The following OLA1 variants were observed in gnomAD, a reference collection of about 807,000 sequenced individuals.
OLA1 encodes obg-like ATPase 1.
In OLA1, 14 loss-of-function variants were observed where a neutral mutation model predicts 48.4. The observed-to-expected ratio is 0.29, with a 90% confidence interval of 0.19 to 0.45. The LOEUF is 0.45. Among genes scored for constraint, OLA1 ranks in the 20% least tolerant of loss-of-function variants. The probability of loss-of-function intolerance (pLI) is 1.00; values close to 1 mark genes in which losing one functional copy is unlikely to be tolerated. For synonymous variants in OLA1, 127 were observed against 150.4 expected (o/e 0.84, Z 1.14); for missense variants, 325 against 467.1 (o/e 0.70, Z 2.80).
At chr2:174,131,925 T>C (rs1574498574) in intron 5 of OLA1, among the ~76,000 whole-genome samples, 1 of 152,246 alleles carries the variant, frequency 6.6e-6, no homozygotes, top group East Asian at 1.9e-4. Flanking sequence ...CACAAGTTTT[T>C]CCTCTTTTTC....
chr2:174,213,940 A>G (rs548332768), intron 4 of OLA1, among the ~76,000 whole-genome samples: 56 of 152,150 alleles, frequency 3.7e-4, no homozygotes, highest in African/African-American at 1.3e-3. Flanking sequence ...TGTTATGTAT[A>G]TATTACCATA....
chr2:174,186,748 T>C (rs1037008612), intron 4 of OLA1, among the ~76,000 whole-genome samples: 2 of 152,050 alleles, frequency 1.3e-5, no homozygotes, highest in African/African-American at 4.8e-5. Flanking sequence ...GATGCCCCTA[T>C]AGGTAACAGT....
At chr2:174,222,066 G>A (rs1384281107) in intron 4 of OLA1, among the ~76,000 whole-genome samples, 1 of 151,962 alleles carries the variant, frequency 6.6e-6, no homozygotes, top group Non-Finnish European at 1.5e-5. Flanking sequence ...TTATATGGTT[G>A]GTACAAAAGT....
At chr2:174,185,184 A>G (rs1687628399) in intron 4 of OLA1, among the ~76,000 whole-genome samples, 1 of 152,212 alleles carries the variant, frequency 6.6e-6, no homozygotes, top group Non-Finnish European at 1.5e-5. Context: ...TTAAAACAGC[A>G]TAAAAGGAAA....
At chr2:174,239,620 T>C (rs1228741290) in intron 2 of OLA1, among the ~76,000 whole-genome samples, 2 of 142,638 alleles carry the variant, frequency 1.4e-5, no homozygotes, top group Non-Finnish European at 3.0e-5. Flanking sequence ...GGCTCATGCA[T>C]ATAATCCCAG....
chr2:174,166,628 C>T (rs75428645), intron 4 of OLA1, among the ~76,000 whole-genome samples: 20,074 of 152,096 alleles, frequency 0.13, 1,774 homozygotes, highest in Non-Finnish European at 0.2. Flanking sequence ...TGCAATAGTG[C>T]TTTTTGTCAT....
At chr2:174,227,624 A>G (rs1482686094) in intron 3 of OLA1, among the ~76,000 whole-genome samples, 1 of 152,254 alleles carries the variant, frequency 6.6e-6, no homozygotes, top group Non-Finnish European at 1.5e-5. Flanking sequence ...TAGAAAGGAC[A>G]CTGAAGTCAG....
chr2:174,217,262 C>T (rs1688382680), intron 4 of OLA1, among the ~76,000 whole-genome samples: 1 of 151,932 alleles, frequency 6.6e-6, no homozygotes, highest in African/African-American at 2.4e-5. Flanking sequence ...TGAGATCTCA[C>T]TATGTTGCCC....
intron 7 of OLA1, among the ~76,000 whole-genome samples, chr2:174,101,693 G>C (rs964329098): frequency 3.3e-5 from 5 of 152,176 alleles, no homozygotes; most frequent in African/African-American, 1.2e-4. Context: ...AGAAGCAACA[G>C]AGTCAAGGAC....
At chr2:174,187,053 C>CA (rs1234110073) in intron 4 of OLA1, among the ~76,000 whole-genome samples, 2 of 151,958 alleles carry the variant, frequency 1.3e-5, no homozygotes, top group Non-Finnish European at 2.9e-5. Context: ...ATAATATGAT[C>CA]AAAAAACAAA....
At chr2:174,129,172 T>A (rs1241763675) in intron 5 of OLA1, among the ~76,000 whole-genome samples, 1 of 152,082 alleles carries the variant, frequency 6.6e-6, no homozygotes, top group Non-Finnish European at 1.5e-5. Context: ...TAATAATATT[T>A]ATGGAGCTGG....
intron 4 of OLA1, among the ~76,000 whole-genome samples, chr2:174,174,041 A>C (rs899801432): frequency 0.027 from 970 of 36,504 alleles, 12 homozygotes; most frequent in Middle Eastern, 0.22. Context: ...CACACAAAAA[A>C]AAAAAAAAAA....
chr2:174,246,491 C>T (rs1689130350), intron 2 of OLA1, among the ~76,000 whole-genome samples: 1 of 152,186 alleles, frequency 6.6e-6, no homozygotes, highest in Non-Finnish European at 1.5e-5. Flanking sequence ...TAGCCTACTG[C>T]ATGGCCTCTG....
intron 3 of OLA1, among the ~76,000 whole-genome samples, chr2:174,228,939 G>A (rs116790905): frequency 1.9e-3 from 294 of 152,212 alleles, no homozygotes; most frequent in African/African-American, 6.7e-3. Flanking sequence ...GTGCAGTGGC[G>A]TAACTTGGCT....
chr2:174,162,332 C>T (rs1018190299), intron 4 of OLA1, among the ~76,000 whole-genome samples: 1 of 152,122 alleles, frequency 6.6e-6, no homozygotes, highest in African/African-American at 2.4e-5. Flanking sequence ...TGCAATGACC[C>T]TCAAGCAATG....
chr2:174,128,333 T>G (rs1686092909), intron 5 of OLA1, among the ~76,000 whole-genome samples: 1 of 151,576 alleles, frequency 6.6e-6, no homozygotes, highest in Non-Finnish European at 1.5e-5. Context: ...GAGTCCAGTA[T>G]GAGGCTGCAG....
At chr2:174,112,587 A>T (rs1685678503) in intron 7 of OLA1, among the ~76,000 whole-genome samples, 1 of 152,198 alleles carries the variant, frequency 6.6e-6, no homozygotes, top group Non-Finnish European at 1.5e-5. Context: ...AGAGGTGGCT[A>T]GGTCATGAGG....
chr2:174,095,274 T>G (rs1685220633), intron 7 of OLA1, among the ~76,000 whole-genome samples: 1 of 151,388 alleles, frequency 6.6e-6, no homozygotes, highest in African/African-American at 2.4e-5. Context: ...CTACCAGTAC[T>G]GCACAAGGGT....
rs753226530 is a variant in OLA1, at chr2:174,081,206, T to C, written c.912A>G (p.Gln304=). ...GGCCTGCAGTGAAAAAGTATTCTAG[T>C]TGGAGTGCTGCAAACCCAGCCTTAA... ...KIIKAGFAAL[Q]LEYFFTAGPD... The change falls in exon 9 of 11, where the codon CAA becomes CAG. Residue 304 remains glutamine (Q), a synonymous_variant. Transcript: ENST00000284719. The C allele has an allele frequency of 2.0e-5, 33 of 1,611,504 alleles. No individual in the cohort carries two copies. Among genetic ancestry groups the C allele is most frequent in the East Asian group, 8.9e-5 (4 of 44,864 alleles).
Sources: gnomAD v4.1 joint callset for allele counts (sites outside exome capture counted in the v4.1 genomes callset) on GRCh38, gnomAD v4.1.1 for gene constraint, MANE v1.5 for transcripts, NCBI Gene and HGNC (gene_info 2026-07-23, HGNC 2026-07-21) for gene names.